STOX2: variants seen among roughly 807,000 people sequenced by gnomAD.
The protein encoded by STOX2 is storkhead-box protein 2.
In STOX2, 28 loss-of-function variants were observed where a neutral mutation model predicts 60.9. That is an observed-to-expected ratio of 0.46 (90% CI 0.34 to 0.63). The LOEUF is 0.63. Ranked by LOEUF, STOX2 falls within the 30% of genes least tolerant of loss-of-function variation. The pLI is 0.01. For missense variants in STOX2, 1,024 were observed against 1,187.7 expected (o/e 0.86, Z 2.03); for synonymous variants, 472 against 463.9 (o/e 1.02, Z -0.22).
chr4:183,965,997 A>T (rs539237077), intron 1 of STOX2, among the ~76,000 whole-genome samples: 1 of 149,910 alleles, frequency 6.7e-6, no homozygotes, highest in East Asian at 2.0e-4. Flanking sequence ...TCAGTTTTGG[A>T]CATGTTGAGT....
chr4:183,822,181 C>T (rs543567708), intron 1 of STOX2, among the ~76,000 whole-genome samples: 8 of 152,334 alleles, frequency 5.3e-5, no homozygotes, highest in African/African-American at 1.9e-4. Context: ...CCAGAGAGGA[C>T]AGATCCCATC....
In STOX2 at chr4:183,997,141, A is replaced by C. The variant is rs531147037; in HGVS notation, c.167-4184A>C. 7.2e-5 allele frequency among the ~76,000 whole-genome samples: 11 copies of C among 152,318 alleles called. No individual in the cohort carries two copies. In the East Asian group the frequency reaches 1.9e-3, roughly 27 times the overall value. On this transcript the variant is annotated intron_variant, in intron 1 of 3. Transcript: ENST00000308497. ...CAAACGCACATGCACACATGCAGGGAGAGAAGACAGTAAACTCGGCTGTGA... is the reference window on the plus strand; with the variant it reads ...CAAACGCACATGCACACATGCAGGGCGAGAAGACAGTAAACTCGGCTGTGA...
intron 1 of STOX2, among the ~76,000 whole-genome samples, chr4:183,819,258 G>A (rs531904932): frequency 1.7e-3 from 252 of 152,206 alleles, no homozygotes; most frequent in Admixed American, 2.7e-3. Flanking sequence ...GGGCAACATT[G>A]AGCACTGAGT....
chr4:184,006,783 G>A (rs575323848), intron 2 of STOX2, among the ~76,000 whole-genome samples: 6 of 150,636 alleles, frequency 4.0e-5, no homozygotes, highest in South Asian at 4.2e-4. Context: ...TTGGGAGGCC[G>A]AGGCGGGCGG....
At chr4:183,958,275 G>A (rs376903441) in intron 1 of STOX2, among the ~76,000 whole-genome samples, 1 of 152,126 alleles carries the variant, frequency 6.6e-6, no homozygotes, top group South Asian at 2.1e-4. Context: ...AGTGGACGGA[G>A]CTAGGAGAAA....
At chr4:183,932,268 A>T (rs191506801) in intron 1 of STOX2, among the ~76,000 whole-genome samples, 39 of 151,814 alleles carry the variant, frequency 2.6e-4, no homozygotes, top group African/African-American at 9.5e-4. Context: ...TCAGGTATTG[A>T]TGCAATATAT....
chr4:183,835,289 A>G (rs967577475), intron 1 of STOX2, among the ~76,000 whole-genome samples: 5 of 151,244 alleles, frequency 3.3e-5, no homozygotes, highest in South Asian at 4.2e-4. Flanking sequence ...CAGTGGCGCA[A>G]TCTCAGTGCA....
At chr4:183,958,169 C>T (rs114455806) in intron 1 of STOX2, among the ~76,000 whole-genome samples, 2,193 of 152,058 alleles carry the variant, frequency 0.014, 52 homozygotes, top group African/African-American at 0.05. Flanking sequence ...ACCCTGGTTT[C>T]TTTCAGGGGG....
In STOX2 at chr4:184,023,245, T is replaced by C. The variant is rs182375755; in HGVS notation, c.*5961T>C. On this transcript the variant is annotated 3_prime_UTR_variant, in exon 4 of 4. Coordinates refer to ENST00000308497, the MANE Select transcript of STOX2 (RefSeq NM_020225.3). ...ATATTGTATAGTATTTCATATGAAA[T>C]AATTACAGTTCATGAAATGTCTTCC... 1.0e-3 allele frequency: 158 copies of C among 152,342 alleles called. 2 individuals carry two copies. The highest frequency in any genetic ancestry group is 1.1e-3 in the Non-Finnish European group (74 of 68,024). The allele number at this position is 152,342 out of a possible 1,614,324, so 9.4% of individuals were successfully genotyped here.
At chr4:183,905,063 G>A (rs1029148901), upstream of STOX2, among the ~76,000 whole-genome samples, 1 of 152,202 alleles carries the variant, frequency 6.6e-6, no homozygotes, top group African/African-American at 2.4e-5. Context: ...TATTTTTGTC[G>A]TTGTTTACTG....
At chr4:183,999,441 C>T (rs1462066313) in intron 1 of STOX2, among the ~76,000 whole-genome samples, 2 of 152,222 alleles carry the variant, frequency 1.3e-5, no homozygotes, top group Non-Finnish European at 2.9e-5. Flanking sequence ...GCTGATTTTT[C>T]TCCCTTCCTC....
At chr4:183,897,966 G>A (rs370888836) in intron 1 of STOX2, among the ~76,000 whole-genome samples, 31 of 152,000 alleles carry the variant, frequency 2.0e-4, no homozygotes, top group African/African-American at 6.3e-4. Context: ...TGATTATCAC[G>A]TTCCTTTTTT....
intron 1 of STOX2, among the ~76,000 whole-genome samples, chr4:183,861,412 C>T (rs778282670): frequency 6.6e-6 from 1 of 152,170 alleles, no homozygotes; most frequent in Non-Finnish European, 1.5e-5. Context: ...TTCATAGATA[C>T]CCAGGAAGAG....
intron 1 of STOX2, among the ~76,000 whole-genome samples, chr4:183,916,756 A>T (rs1325398203): frequency 6.6e-6 from 1 of 152,200 alleles, no homozygotes; most frequent in East Asian, 1.9e-4. Flanking sequence ...CTTGCACAGA[A>T]GCTACACAAA....
chr4:184,010,865 C>T lies in STOX2; in HGVS notation c.2027C>T (p.Ala676Val). The T allele has an allele frequency of 1.2e-6, 2 of 1,609,030 alleles. No homozygotes were observed. The highest frequency in any genetic ancestry group is 1.7e-6 in the Non-Finnish European group (2 of 1,177,594). Residue 676 changes from alanine (A) to valine (V), a missense_variant, in exon 3 of 4, where the codon GCC (alanine) becomes GTC (valine). Transcript: ENST00000308497. This position sits in a 1 kb window ranked among gnomAD's most constrained non-coding sequence, Gnocchi z 4.5. Reference sequence around the variant, plus strand: ...TCGGGAGGAGTGGCTGAAGGGATCGCCAACGGACGCCTCGTCCAGCACCAT... The same window carrying T: ...TCGGGAGGAGTGGCTGAAGGGATCGTCAACGGACGCCTCGTCCAGCACCAT... Reference protein sequence around the residue: ...AASGGVAEGIANGRLVQHHGA... With the variant: ...AASGGVAEGIVNGRLVQHHGA...
Position 184,021,258 on chromosome 4 carries a change from T to TA in STOX2, c.*3975dup, listed in dbSNP as rs1734580331. 1 of 152,188 alleles carries TA rather than the reference T, an allele frequency of 6.6e-6. No homozygotes were observed. Among genetic ancestry groups the TA allele is most frequent in the Admixed American group, 6.5e-5 (1 of 15,286 alleles). The allele number at this position is 152,188 out of a possible 1,614,324, so 9.4% of individuals were successfully genotyped here. The stretch of plus-strand genomic sequence containing the variant: ...AGGTCATCTTTGTAATACGCATACT[T>TA]ACAACGAATTAACAAAAGGAGTGAC... On this transcript the variant is annotated 3_prime_UTR_variant, in exon 4 of 4. Coordinates refer to ENST00000308497, the MANE Select transcript of STOX2 (RefSeq NM_020225.3).
At chr4:183,968,376 A>G (rs1743641864) in intron 1 of STOX2, among the ~76,000 whole-genome samples, 1 of 146,938 alleles carries the variant, frequency 6.8e-6, no homozygotes, top group Non-Finnish European at 1.5e-5. Flanking sequence ...ACACACACAC[A>G]CACAAAGAAG....
At position 183,802,766 on chromosome 4, in the gene STOX2, C is replaced by T. The variant is rs371346859; in HGVS notation, c.364+4711C>T. On this transcript the variant is annotated intron_variant, in intron 1 of 2. Coordinates refer to the STOX2 transcript ENST00000513034. The stretch of plus-strand genomic sequence containing the variant: ...GACTACAAGTAGTTGGGACTACAGG[C>T]GCCTGCCAACACACCTGGCTGATTT... Among the ~76,000 whole-genome samples, 98 of 152,204 alleles carry T rather than the reference C, an allele frequency of 6.4e-4. 1 individual carries two copies. Among genetic ancestry groups the T allele is most frequent in the African/African-American group, 2.2e-3 (90 of 41,542 alleles).
At chr4:183,879,277 C>T (rs1161079434) in intron 1 of STOX2, among the ~76,000 whole-genome samples, 1 of 152,080 alleles carries the variant, frequency 6.6e-6, no homozygotes, top group East Asian at 1.9e-4. Context: ...CTCCATGAGC[C>T]CTACACACAT....
Sources: gnomAD v4.1 joint callset for allele counts (sites outside exome capture counted in the v4.1 genomes callset) on GRCh38, gnomAD v4.1.1 for gene constraint, Gnocchi (gnomAD v3.1) non-coding constraint, MANE v1.5 for transcripts, NCBI Gene and HGNC (gene_info 2026-07-23, HGNC 2026-07-21) for gene names.